The following ADCY10 variants were observed in gnomAD, a reference collection of about 807,000 sequenced individuals.
ADCY10 encodes the protein adenylate cyclase 10.
Under a neutral mutation model 183.3 loss-of-function variants are expected in ADCY10, and 156 were observed. The ratio of observed to expected loss-of-function variants is 0.85; its 90% CI spans 0.75 to 0.97. ADCY10 has a LOEUF of 0.97. Among genes scored for constraint, ADCY10 ranks in the 50% least tolerant of loss-of-function variants. The pLI is 0.00. For missense variants in ADCY10, 1,745 were observed against 1,934.3 expected, an observed-to-expected ratio of 0.90 and a Z score of 1.84; for synonymous variants, 645 against 670.0, an observed-to-expected ratio of 0.96 and a Z score of 0.58.
chr1:167,901,306 A>G (rs1669403902), intron 5 of ADCY10, among the ~76,000 whole-genome samples: 1 of 152,092 alleles, frequency 6.6e-6, no homozygotes, highest in Non-Finnish European at 1.5e-5. Context: ...ATGGCAAGCT[A>G]GTCTCTATTT....
At chr1:167,898,170 T>G (rs1184274107) in intron 6 of ADCY10, among the ~76,000 whole-genome samples, 1 of 151,746 alleles carries the variant, frequency 6.6e-6, no homozygotes, top group East Asian at 1.9e-4. Context: ...TTTTGACTAT[T>G]GCAGTCTTGT....
rs374313460 is a variant in ADCY10 at position 167,862,191 on chromosome 1, T to A, written c.1617-1128A>T. On this transcript the variant is annotated intron_variant, in intron 14 of 32. Coordinates refer to ENST00000367851, the MANE Select transcript of ADCY10 (RefSeq NM_018417.6). ...CAGGGCTTTGGCACTTGTTGACACA[T>A]GTCCCCACAATTCATATGTTAAATT... is the stretch of plus-strand genomic sequence containing the variant. Among the ~76,000 whole-genome samples, 7 of 152,234 alleles carry A rather than the reference T, an allele frequency of 4.6e-5. No individual in the cohort carries two copies. The East Asian group carries it at 1.3e-3, about 29-fold the overall frequency.
chr1:167,845,631 AC>A lies in ADCY10; in HGVS notation c.2938del (p.Val980Ter). Reference protein sequence around the residue: ...RDFIPYHHFTVNIRLNALDMD... With the variant: ...RDFIPYHHFTXNIRLNALDMD... ...GTCTAAAGCGTTGAGCCGAATATTC[AC>A]TGTGAAGTGATGATAGGGAATGAAG... On this transcript the variant is annotated frameshift_variant, in exon 21 of 33. Transcript: ENST00000367851. LOFTEE classifies it high-confidence loss of function. The A allele has an allele frequency of 6.2e-7, 1 of 1,614,248 alleles. No homozygotes were observed. The highest frequency in any genetic ancestry group is 1.3e-5 in the African/African-American group (1 of 75,058).
At chr1:167,902,299 G>C (rs1669488461) in intron 3 of ADCY10, among the ~76,000 whole-genome samples, 1 of 152,178 alleles carries the variant, frequency 6.6e-6, no homozygotes, top group South Asian at 2.1e-4. Context: ...AAAGACAGGA[G>C]AAAGGCAGCT....
rs193005626 is a variant in ADCY10 at position 167,887,612 on chromosome 1, T to C, written c.829-3984A>G. On this transcript the variant is annotated intron_variant, in intron 8 of 32. Coordinates refer to ENST00000367851, the MANE Select transcript of ADCY10 (RefSeq NM_018417.6). ...CTAATGTAAAAGATGAGTTAATGGG[T>C]GCAGCATACCAACATGGGACATGTA... Among the ~76,000 whole-genome samples, 424 of 152,108 alleles carry C rather than the reference T, an allele frequency of 2.8e-3. 3 individuals carry two copies. The highest frequency in any genetic ancestry group is 4.5e-3 in the Non-Finnish European group (304 of 67,996).
chr1:167,908,905 A>G (rs1399446961), intron 1 of ADCY10, among the ~76,000 whole-genome samples: 1 of 152,262 alleles, frequency 6.6e-6, no homozygotes, highest in Admixed American at 6.5e-5. Flanking sequence ...ATCTTTTAAA[A>G]AACTTTTATT....
At chr1:167,817,891 T>TA (rs1662625191) in intron 31 of ADCY10, among the ~76,000 whole-genome samples, 181 bp downstream of exon 31, 1 of 152,236 alleles carries the variant, frequency 6.6e-6, no homozygotes, top group Non-Finnish European at 1.5e-5. Flanking sequence ...AAAAAGTACT[T>TA]ATCTCTGAGT....
At chr1:167,870,518 C>G in intron 13 of ADCY10, 108 bp from the exon 14 acceptor site, 1 of 988,322 alleles carries the variant, frequency 1.0e-6, no homozygotes, top group Admixed American at 2.1e-5. Flanking sequence ...TTGGGCCAGG[C>G]GCTGTGGCTC....
intron 13 of ADCY10, among the ~76,000 whole-genome samples, chr1:167,871,690 T>C (rs1374189462): frequency 6.6e-6 from 1 of 152,240 alleles, no homozygotes; most frequent in African/African-American, 2.4e-5. Flanking sequence ...TCTAATGTCT[T>C]TGTTGAAGGA....
At chr1:167,912,671 C>T (rs1210149274) in intron 1 of ADCY10, among the ~76,000 whole-genome samples, 2 of 152,234 alleles carry the variant, frequency 1.3e-5, no homozygotes, top group East Asian at 1.9e-4. Flanking sequence ...AGCTTCTTCC[C>T]TCTTTCCTCT....
chr1:167,887,001 A>G (rs1304767099), intron 8 of ADCY10, among the ~76,000 whole-genome samples: 8 of 152,240 alleles, frequency 5.3e-5, no homozygotes, highest in Non-Finnish European at 1.0e-4. Context: ...ATGAGATACC[A>G]TCTCACACCA....
rs755039746 is a variant in ADCY10 at position 167,824,685 on chromosome 1, G to A, written c.3921C>T (p.Leu1307=). The A allele has an allele frequency of 3.1e-6, 5 of 1,614,046 alleles. No individual in the cohort carries two copies. Among genetic ancestry groups the A allele is most frequent in the African/African-American group, 1.3e-5 (1 of 74,898 alleles). The change falls in exon 27 of 33, where the codon CTC becomes CTT. Residue 1307 remains leucine, a synonymous_variant. Transcript: ENST00000367851. ...TGGCCAAATCCAGGTGTCCCATTAT[G>A]AGCTTGTTGAAGACCAGTGTCTCAG... is the stretch of plus-strand genomic sequence containing the variant. ...YVAETLVFNK[L]IMGHLDLAIE... is the part of the protein sequence containing the mutation.
intron 28 of ADCY10, among the ~76,000 whole-genome samples, chr1:167,824,214 G>A (rs1030685413): frequency 6.6e-6 from 1 of 152,078 alleles, no homozygotes; most frequent in South Asian, 2.1e-4. Context: ...TCCCAGCTAC[G>A]TGGGAGGTTG....
At chr1:167,845,258 C>T (rs1478987681) in intron 21 of ADCY10, among the ~76,000 whole-genome samples, 1 of 152,176 alleles carries the variant, frequency 6.6e-6, no homozygotes, top group Non-Finnish European at 1.5e-5. Context: ...CTTTGGATTC[C>T]ATCCTTTGGT....
At position 167,810,328 on chromosome 1, in the gene ADCY10, T is replaced by C. The variant is rs553553226; in HGVS notation, c.4671+397A>G. The stretch of plus-strand genomic sequence containing the variant: ...CCTATGGTGACTGCTATGGTCTGAA[T>C]GTTGGCATCTCCTGAAATTCATATG... On this transcript the variant is annotated intron_variant, in intron 32 of 32. Coordinates refer to ENST00000367851, the MANE Select transcript of ADCY10 (RefSeq NM_018417.6). Among the ~76,000 whole-genome samples the C allele has an allele frequency of 9.7e-4, 148 of 152,342 alleles. 4 individuals are homozygous for C. In the South Asian group the frequency reaches 0.029, roughly 30 times the overall value.
chr1:167,826,299 A>T (rs1240273228), intron 26 of ADCY10, among the ~76,000 whole-genome samples: 1 of 152,228 alleles, frequency 6.6e-6, no homozygotes, highest in Non-Finnish European at 1.5e-5. Context: ...GATTTGGACC[A>T]AGAGAATGGA....
Position 167,860,943 on chromosome 1 carries a change from G to A in ADCY10, c.1737C>T (p.Asn579=), listed in dbSNP as rs753970019. The A allele has an allele frequency of 1.2e-6, 2 of 1,613,990 alleles. No individual in the cohort carries two copies. Among genetic ancestry groups the A allele is most frequent in the South Asian group, 1.1e-5 (1 of 91,076 alleles). The change falls in exon 15 of 33, where the codon AAC becomes AAT. Residue 579 remains asparagine (N), a synonymous_variant. Transcript: ENST00000367851. Reference sequence around the variant, plus strand: ...ACAGTGTCATGACTTTATTTCGAAGGTTGGTCTGTCGTTCTTTATAATGTT... The same window carrying A: ...ACAGTGTCATGACTTTATTTCGAAGATTGGTCTGTCGTTCTTTATAATGTT... ...TCKHYKERQT[N]LRNKVMTLLD...
chr1:167,878,132 A>G (rs1667606416), intron 12 of ADCY10, among the ~76,000 whole-genome samples: 1 of 152,182 alleles, frequency 6.6e-6, no homozygotes, highest in Non-Finnish European at 1.5e-5. Context: ...ATAATATTAA[A>G]TGGTTGGTGA....
In ADCY10 at chr1:167,892,595, C is replaced by T. The variant is rs415174; in HGVS notation, c.828+1258G>A. Among the ~76,000 whole-genome samples the T allele has an allele frequency of 1.5e-3, 221 of 151,932 alleles. 2 individuals are homozygous for T. Among genetic ancestry groups the T allele is most frequent in the Non-Finnish European group, 4.3e-4 (29 of 67,970 alleles). Reference sequence around the variant, plus strand: ...GTATTATATCTCTTGAGAATGGCTGCGGGAGAATGGGGTGACTTTTTTAAG... The same window carrying T: ...GTATTATATCTCTTGAGAATGGCTGTGGGAGAATGGGGTGACTTTTTTAAG... On this transcript the variant is annotated intron_variant, in intron 8 of 32. Transcript: ENST00000367851.
Sources: gnomAD v4.1 joint callset for allele counts (sites outside exome capture counted in the v4.1 genomes callset) on GRCh38, gnomAD v4.1.1 for gene constraint, MANE v1.5 for transcripts, NCBI Gene and HGNC (gene_info 2026-07-23, HGNC 2026-07-21) for gene names.